ABCB11: variants seen among roughly 807,000 people sequenced by gnomAD.
ABCB11 encodes the protein ATP binding cassette subfamily B member 11, also known as bile salt export pump.
ABCB11 carries 95 observed loss-of-function variants against 148.0 expected under a neutral mutation model. The observed-to-expected ratio is 0.64, with a 90% CI of 0.54 to 0.76. The LOEUF (loss-of-function observed/expected upper bound fraction) is 0.76. Among genes scored for constraint, ABCB11 ranks in the 30% least tolerant of loss-of-function variants. The probability of loss-of-function intolerance (pLI) is 0.00; values close to 1 mark genes in which losing one functional copy is unlikely to be tolerated. For missense variants in ABCB11, 1,523 were observed against 1,617.8 expected (o/e 0.94, Z 1.01); for synonymous variants, 591 against 555.4 (o/e 1.06, Z -0.90).
chr2:168,983,536 T>G (rs919307006), intron 10 of ABCB11, among the ~76,000 whole-genome samples: 2 of 152,222 alleles, frequency 1.3e-5, no homozygotes, highest in Non-Finnish European at 2.9e-5. Flanking sequence ...ATTTATTTTC[T>G]TTAACAAAGT....
At chr2:168,920,383 A>AT (rs201822305), downstream of ABCB11, among the ~76,000 whole-genome samples, 18,226 of 88,094 alleles carry the variant, frequency 0.21, 1,166 homozygotes, top group African/African-American at 0.39. Context: ...GTCTAAATTT[A>AT]TTTTTTTAAA....
chr2:169,029,183 C>G (rs1205060685), intron 1 of ABCB11, among the ~76,000 whole-genome samples: 1 of 152,100 alleles, frequency 6.6e-6, no homozygotes, highest in African/African-American at 2.4e-5. Flanking sequence ...CCACAAACTC[C>G]CCCTTCACAG....
intron 12 of ABCB11, among the ~76,000 whole-genome samples, chr2:168,975,975 G>T (rs1693886336): frequency 6.6e-6 from 1 of 151,926 alleles, no homozygotes; most frequent in Admixed American, 6.6e-5. Flanking sequence ...AGGGGTAGTA[G>T]ATCCTAATTT....
chr2:169,012,596 T>A (rs1351534569), intron 5 of ABCB11, among the ~76,000 whole-genome samples: 6 of 151,680 alleles, frequency 4.0e-5, no homozygotes, highest in Admixed American at 2.0e-4. Context: ...AAAATTTAGC[T>A]GGGCATAGTG....
At chr2:168,977,036 T>A (rs1693937586) in intron 11 of ABCB11, among the ~76,000 whole-genome samples, 1 of 148,322 alleles carries the variant, frequency 6.7e-6, no homozygotes, top group Non-Finnish European at 1.5e-5. Flanking sequence ...TTAATTAATT[T>A]ATTTAATTGT....
At position 168,927,185 on chromosome 2, in the gene ABCB11, G is replaced by A; in HGVS notation, c.3589C>T (p.Leu1197=). 1.9e-6 allele frequency: 3 copies of A among 1,613,844 alleles called. No homozygotes were observed. The highest frequency in any genetic ancestry group is 2.2e-5 in the South Asian group (2 of 91,078). ...RVIAAAKQAQ[L]HDFVMSLPEK... ...GGGAGTGACATGACAAAATCATGCA[G>A]CTGAGCCTGTTTTGCAGCTGCTATG... Residue 1197 remains leucine (L), a synonymous_variant, in exon 26 of 28, where the codon CTG becomes TTG. Transcript: ENST00000650372.
At chr2:168,962,135 A>G (rs1693105673) in intron 18 of ABCB11, among the ~76,000 whole-genome samples, 1 of 151,654 alleles carries the variant, frequency 6.6e-6, no homozygotes, top group South Asian at 2.1e-4. Flanking sequence ...TATCGTACAA[A>G]CCAGTGGTAT....
chr2:168,934,724 T>C (rs917054386), intron 23 of ABCB11, among the ~76,000 whole-genome samples: 7 of 152,354 alleles, frequency 4.6e-5, no homozygotes, highest in Admixed American at 2.0e-4. Context: ...ATTCACACTT[T>C]CATGCATCCC....
At chr2:169,005,456 A>G (rs1694990680) in intron 5 of ABCB11, among the ~76,000 whole-genome samples, 1 of 152,108 alleles carries the variant, frequency 6.6e-6, no homozygotes, top group African/African-American at 2.4e-5. Context: ...GCTAAGTCAT[A>G]CAGGTCACTA....
chr2:168,935,121 C>G (rs1691756094), intron 23 of ABCB11, 63 bp downstream of exon 23: 5 of 1,590,280 alleles, frequency 3.1e-6, no homozygotes, highest in East Asian at 4.5e-5. Context: ...AGCTAACTGA[C>G]AGAACCAGGC....
chr2:169,006,827 T>C (rs1377638395), intron 5 of ABCB11, among the ~76,000 whole-genome samples: 1 of 152,078 alleles, frequency 6.6e-6, no homozygotes, highest in Non-Finnish European at 1.5e-5. Flanking sequence ...AATAATAAAA[T>C]ACGTAGCAAT....
At chr2:169,012,745 A>G (rs1218729117) in intron 5 of ABCB11, among the ~76,000 whole-genome samples, 1 of 150,510 alleles carries the variant, frequency 6.6e-6, no homozygotes, top group African/African-American at 2.5e-5. Context: ...TCTTAAAAAA[A>G]AAAAAAAAAG....
chr2:168,987,791 T>A (rs1274704006), intron 9 of ABCB11, among the ~76,000 whole-genome samples: 1 of 152,180 alleles, frequency 6.6e-6, no homozygotes, highest in Non-Finnish European at 1.5e-5. Flanking sequence ...AGTACCTGAA[T>A]AAAGTGTGTT....
At chr2:169,000,307 G>A (rs1386561975) in intron 5 of ABCB11, among the ~76,000 whole-genome samples, 1 of 151,906 alleles carries the variant, frequency 6.6e-6, no homozygotes, top group African/African-American at 2.4e-5. Flanking sequence ...TAATTTTATT[G>A]AAGTCCAATT....
At chr2:168,968,652 A>G (rs1382566228) in intron 16 of ABCB11, among the ~76,000 whole-genome samples, 162 bp from the exon 17 acceptor site, 1 of 151,970 alleles carries the variant, frequency 6.6e-6, no homozygotes, top group Non-Finnish European at 1.5e-5. Context: ...CTTGTCCTGC[A>G]GATTCTAATA....
intron 18 of ABCB11, among the ~76,000 whole-genome samples, chr2:168,960,680 G>C (rs1255142203): frequency 6.6e-6 from 1 of 151,584 alleles, no homozygotes; most frequent in Non-Finnish European, 1.5e-5. Context: ...AAATGCAACT[G>C]TCCAGCTTGA....
chr2:169,024,536 C>G (rs1249084775), intron 1 of ABCB11, among the ~76,000 whole-genome samples: 1 of 147,958 alleles, frequency 6.8e-6, no homozygotes, highest in Non-Finnish European at 1.5e-5. Context: ...TAATGTCTTA[C>G]ATTAGTATTA....
intron 1 of ABCB11, among the ~76,000 whole-genome samples, chr2:169,027,267 ATG>A (rs1695729531): frequency 6.6e-6 from 1 of 152,198 alleles, no homozygotes; most frequent in African/African-American, 2.4e-5. Context: ...GGAAATCGAG[ATG>A]TCTAAGCACT....
At chr2:168,991,636 T>C (rs1303576716) in intron 8 of ABCB11, among the ~76,000 whole-genome samples, 1 of 151,992 alleles carries the variant, frequency 6.6e-6, no homozygotes. Context: ...ATATATATAA[T>C]ACCCAGATTA....
Sources: gnomAD v4.1 joint callset for allele counts (sites outside exome capture counted in the v4.1 genomes callset) on GRCh38, gnomAD v4.1.1 for gene constraint, MANE v1.5 for transcripts, NCBI Gene and HGNC (gene_info 2026-07-23, HGNC 2026-07-21) for gene names.